LINGO2: variants seen among roughly 807,000 people sequenced by gnomAD.
LINGO2 encodes the protein leucine rich repeat and Ig domain containing 2.
In LINGO2, 14 loss-of-function variants were observed where a neutral mutation model predicts 30.6. That is an observed-to-expected ratio of 0.46 (90% confidence interval 0.30 to 0.72). The LOEUF (loss-of-function observed/expected upper bound fraction) is 0.72. Ranked by LOEUF, LINGO2 falls within the 30% of genes least tolerant of loss-of-function variation. The pLI is 0.07. For missense variants in LINGO2, 729 were observed against 751.7 expected (o/e 0.97, Z 0.35); for synonymous variants, 317 against 288.5 (o/e 1.10, Z -1.00).
chr9:29,047,171 A>G, the LINGO2 span, among the ~76,000 whole-genome samples: 9 of 152,130 alleles, frequency 5.9e-5, no homozygotes, highest in African/African-American at 2.2e-4. Context: ...ACAAAGGTCT[A>G]ATATCCAACA....
At chr9:28,018,510 C>A (rs1822953579) in intron 4 of LINGO2, among the ~76,000 whole-genome samples, 1 of 151,788 alleles carries the variant, frequency 6.6e-6, no homozygotes, top group South Asian at 2.1e-4. Flanking sequence ...AGCAAAAAAC[C>A]AAACTATTAA....
chr9:28,995,314 A>G, the LINGO2 span, among the ~76,000 whole-genome samples: 3 of 152,222 alleles, frequency 2.0e-5, no homozygotes, highest in African/African-American at 7.2e-5. Context: ...TCAAAACCAC[A>G]ATGAGATACC....
chr9:28,230,316 AAC>A (rs1308540618), intron 4 of LINGO2, among the ~76,000 whole-genome samples: 2 of 151,948 alleles, frequency 1.3e-5, no homozygotes, highest in African/African-American at 4.8e-5. Context: ...CTCAGAAAGT[AAC>A]AGTGTTGGCA....
intron 5 of LINGO2, among the ~76,000 whole-genome samples, chr9:27,986,160 A>G (rs1021316284): frequency 4.6e-5 from 7 of 151,208 alleles, no homozygotes; most frequent in Non-Finnish European, 1.0e-4. Context: ...GGGGAACAGG[A>G]GAAAAAAAAA....
the LINGO2 span, among the ~76,000 whole-genome samples, chr9:28,680,215 A>C: frequency 6.6e-6 from 1 of 152,024 alleles, no homozygotes; most frequent in Non-Finnish European, 1.5e-5. Context: ...ATCATGATAT[A>C]CTGGTATTTC....
intron 1 of LINGO2, among the ~76,000 whole-genome samples, chr9:28,545,238 A>G (rs1310340346): frequency 6.6e-6 from 1 of 152,026 alleles, no homozygotes; most frequent in East Asian, 1.9e-4. Context: ...TGATTCATTT[A>G]TGTTAGCTTT....
At chr9:28,628,845 T>A (rs1184679974) in intron 1 of LINGO2, among the ~76,000 whole-genome samples, 1 of 152,034 alleles carries the variant, frequency 6.6e-6, no homozygotes, top group East Asian at 1.9e-4. Context: ...TAGCTGAAAG[T>A]GTGTTATCAG....
chr9:28,991,796 T>C, the LINGO2 span, among the ~76,000 whole-genome samples: 1 of 148,202 alleles, frequency 6.7e-6, no homozygotes, highest in African/African-American at 2.5e-5. Context: ...AATAAAATAC[T>C]TTACAGACAA....
chr9:28,244,884 GA>G (rs757510963), intron 4 of LINGO2, among the ~76,000 whole-genome samples: 63 of 150,250 alleles, frequency 4.2e-4, no homozygotes, highest in Non-Finnish European at 3.8e-4. Flanking sequence ...GTACAAAGAG[GA>G]ACTGGTACCA....
chr9:28,369,633 G>C (rs991944402), intron 3 of LINGO2, among the ~76,000 whole-genome samples: 1 of 152,184 alleles, frequency 6.6e-6, no homozygotes, highest in African/African-American at 2.4e-5. Context: ...GTTTTAGTAA[G>C]AGAGACTAGG....
At chr9:28,515,699 C>T (rs1385843277) in intron 1 of LINGO2, among the ~76,000 whole-genome samples, 1 of 152,112 alleles carries the variant, frequency 6.6e-6, no homozygotes, top group African/African-American at 2.4e-5. Context: ...TTTATGAAGT[C>T]TACTTGCGGT....
chr9:28,410,307 G>C (rs1223168471), intron 2 of LINGO2, among the ~76,000 whole-genome samples: 6 of 152,026 alleles, frequency 3.9e-5, no homozygotes, highest in Non-Finnish European at 7.4e-5. Flanking sequence ...GGATTTACAT[G>C]AACTACTCAG....
the LINGO2 span, among the ~76,000 whole-genome samples, chr9:28,988,131 A>G: frequency 3.9e-5 from 6 of 152,294 alleles, no homozygotes; most frequent in East Asian, 1.2e-3. Flanking sequence ...AAGTTATATT[A>G]AAGTTTCCTA....
chr9:28,552,404 T>A (rs907253340), intron 1 of LINGO2, among the ~76,000 whole-genome samples: 8 of 152,212 alleles, frequency 5.3e-5, no homozygotes, highest in Admixed American at 2.6e-4. Flanking sequence ...AACCCTAGAT[T>A]ATAACTCATA....
chr9:27,955,804 G>A (rs1238624730), intron 5 of LINGO2, among the ~76,000 whole-genome samples: 1 of 151,972 alleles, frequency 6.6e-6, no homozygotes, highest in East Asian at 1.9e-4. Context: ...CCTATATATA[G>A]GGTAGGAATA....
the LINGO2 span, among the ~76,000 whole-genome samples, chr9:29,104,353 C>T: frequency 6.6e-6 from 1 of 151,924 alleles, no homozygotes; most frequent in Admixed American, 6.6e-5. Context: ...GTAGCACTTC[C>T]CCTTTCACTC....
At chr9:28,019,614 G>A (rs976244370) in intron 4 of LINGO2, among the ~76,000 whole-genome samples, 3 of 151,928 alleles carry the variant, frequency 2.0e-5, no homozygotes, top group Admixed American at 6.6e-5. Context: ...ATTGAGCAGG[G>A]CTTATCTTTA....
intron 5 of LINGO2, among the ~76,000 whole-genome samples, chr9:27,993,082 T>A: frequency 6.6e-6 from 1 of 152,172 alleles, no homozygotes; most frequent in East Asian, 1.9e-4. Flanking sequence ...ATGCAAAATA[T>A]TGACTAATAT....
chr9:28,161,671 T>C (rs1026510939), intron 4 of LINGO2, among the ~76,000 whole-genome samples: 10 of 152,062 alleles, frequency 6.6e-5, no homozygotes, highest in Non-Finnish European at 1.5e-5. Context: ...GCTAGCATGT[T>C]GTATGTCTTA....
Sources: gnomAD v4.1 joint callset for allele counts (sites outside exome capture counted in the v4.1 genomes callset) on GRCh38, gnomAD v4.1.1 for gene constraint, MANE v1.5 for transcripts, NCBI Gene and HGNC (gene_info 2026-07-23, HGNC 2026-07-21) for gene names.